Variants in DOCK4 observed in about 807,000 individuals in gnomAD.
The protein encoded by DOCK4 is dedicator of cytokinesis 4.
A neutral mutation model predicts 268.1 loss-of-function variants in DOCK4; 97 were observed. The ratio of observed to expected loss-of-function variants is 0.36; its 90% CI spans 0.31 to 0.43. DOCK4 has a LOEUF of 0.43. DOCK4 is among the 20% of genes least tolerant of loss of function. The probability of loss-of-function intolerance (pLI) is 1.00; values close to 1 mark genes in which losing one functional copy is unlikely to be tolerated. For missense variants in DOCK4, 2,145 were observed against 2,455.7 expected, an observed-to-expected ratio of 0.87 and a Z score of 2.67; for synonymous variants, 954 against 887.2, an observed-to-expected ratio of 1.08 and a Z score of -1.34.
intron 1 of DOCK4, among the ~76,000 whole-genome samples, chr7:112,168,068 C>G (rs1199853956): frequency 1.3e-5 from 2 of 151,538 alleles, no homozygotes; most frequent in Non-Finnish European, 2.9e-5. Flanking sequence ...AAAAAAAATA[C>G]TAGTACTCAT....
intron 26 of DOCK4, among the ~76,000 whole-genome samples, chr7:111,826,694 C>T (rs1802419372): frequency 6.6e-6 from 1 of 151,798 alleles, no homozygotes; most frequent in South Asian, 2.1e-4. Context: ...TACACACTGA[C>T]ATAAAAATGG....
chr7:111,975,253 C>G (rs1798076476), intron 8 of DOCK4, among the ~76,000 whole-genome samples: 1 of 152,116 alleles, frequency 6.6e-6, no homozygotes, highest in South Asian at 2.1e-4. Context: ...GGTGACAGAG[C>G]AAGACTCTGT....
intron 1 of DOCK4, among the ~76,000 whole-genome samples, chr7:112,158,665 T>C (rs1816828300): frequency 6.6e-6 from 1 of 152,210 alleles, no homozygotes; most frequent in East Asian, 1.9e-4. Context: ...CAGTGTCAAA[T>C]ACTGAAAATT....
At chr7:111,914,735 C>T (rs879932255) in intron 13 of DOCK4, among the ~76,000 whole-genome samples, 1 of 152,176 alleles carries the variant, frequency 6.6e-6, no homozygotes, top group Admixed American at 6.5e-5. Flanking sequence ...AGCCCTTTAC[C>T]TACACTGGTT....
chr7:111,811,417 T>A (rs1464549208), intron 28 of DOCK4, among the ~76,000 whole-genome samples: 3 of 152,156 alleles, frequency 2.0e-5, no homozygotes, highest in Admixed American at 2.0e-4. Context: ...CACCCAGGCA[T>A]ATCACATTAT....
chr7:111,880,841 A>G (rs1239782603), intron 16 of DOCK4, among the ~76,000 whole-genome samples: 1 of 151,946 alleles, frequency 6.6e-6, no homozygotes. Context: ...CTCTTCAATA[A>G]ACGGTGCTGG....
At chr7:111,881,990 A>G (rs1586256838) in intron 16 of DOCK4, among the ~76,000 whole-genome samples, 1 of 152,208 alleles carries the variant, frequency 6.6e-6, no homozygotes, top group Admixed American at 6.5e-5. Flanking sequence ...GAAGACAGAA[A>G]GAGTAAGACC....
At chr7:112,176,125 G>A (rs1372745137) in intron 1 of DOCK4, among the ~76,000 whole-genome samples, 1 of 152,148 alleles carries the variant, frequency 6.6e-6, no homozygotes, top group African/African-American at 2.4e-5. Flanking sequence ...TGTTTGGAGA[G>A]CAGGTGTTTT....
chr7:111,993,547 T>G (rs1025691154), intron 5 of DOCK4, among the ~76,000 whole-genome samples: 1 of 152,200 alleles, frequency 6.6e-6, no homozygotes, highest in Non-Finnish European at 1.5e-5. Flanking sequence ...TTATTATTTC[T>G]TTGAGTAGTA....
chr7:112,189,751 T>TTTG (rs1819774071), intron 1 of DOCK4, among the ~76,000 whole-genome samples: 1 of 135,134 alleles, frequency 7.4e-6, no homozygotes, highest in African/African-American at 3.2e-5. Context: ...GTTTTGTTTT[T>TTTG]TTTTTTTTTT....
At chr7:112,042,567 C>A (rs116017820) in intron 1 of DOCK4, among the ~76,000 whole-genome samples, 1 of 151,982 alleles carries the variant, frequency 6.6e-6, no homozygotes, top group African/African-American at 2.4e-5. Flanking sequence ...GCAAATAAGT[C>A]GGGAAAAAAA....
Position 112,071,245 on chromosome 7 carries a change from C to T in DOCK4, c.38-67114G>A, listed in dbSNP as rs1807556794. ...TGATATCTTGTACCTTTGTTGATAT[C>T]TGATGCTGGCAATGAATGTAAAAAC... On this transcript the variant is annotated intron_variant, in intron 1 of 52. Transcript: ENST00000428084. Among the ~76,000 whole-genome samples the T allele has an allele frequency of 2.0e-5, 3 of 152,200 alleles. No homozygotes were observed. In the South Asian group the frequency reaches 6.2e-4, roughly 31 times the overall value.
chr7:111,779,089 T>A (rs1243018468), intron 35 of DOCK4, among the ~76,000 whole-genome samples: 4 of 147,852 alleles, frequency 2.7e-5, no homozygotes, highest in Non-Finnish European at 6.0e-5. Flanking sequence ...AAAAAAAAAA[T>A]AAAAAGCAAA....
chr7:111,848,544 A>G (rs1213121283), intron 23 of DOCK4, among the ~76,000 whole-genome samples: 1 of 152,142 alleles, frequency 6.6e-6, no homozygotes, highest in Non-Finnish European at 1.5e-5. Context: ...AGGAAATCAG[A>G]TATTTTTTAA....
At chr7:112,065,172 G>A (rs1349903165) in intron 1 of DOCK4, among the ~76,000 whole-genome samples, 6 of 152,138 alleles carry the variant, frequency 3.9e-5, no homozygotes, top group East Asian at 3.9e-4. Context: ...AAACAACTTC[G>A]AACATCTCTG....
chr7:111,757,159 T>C (rs981923465), intron 41 of DOCK4, among the ~76,000 whole-genome samples: 3 of 151,860 alleles, frequency 2.0e-5, no homozygotes, highest in Admixed American at 1.3e-4. Flanking sequence ...GTGGTGGAGA[T>C]GAGGCTTCTG....
intron 5 of DOCK4, among the ~76,000 whole-genome samples, chr7:111,991,104 A>C (rs1799487126): frequency 6.6e-6 from 1 of 152,316 alleles, no homozygotes. Flanking sequence ...TGCTCTTGGG[A>C]AAGGCGTTCT....
At chr7:112,094,080 C>T (rs557558220) in intron 1 of DOCK4, among the ~76,000 whole-genome samples, 1 of 151,972 alleles carries the variant, frequency 6.6e-6, no homozygotes, top group Admixed American at 6.6e-5. Flanking sequence ...AAATATATAT[C>T]AATAGGTTTT....
chr7:112,055,077 T>C (rs1805694765), intron 1 of DOCK4, among the ~76,000 whole-genome samples: 2 of 152,218 alleles, frequency 1.3e-5, no homozygotes, highest in African/African-American at 2.4e-5. Context: ...AAACTGCGAC[T>C]TTCAGTCAGT....
Sources: gnomAD v4.1 joint callset for allele counts (sites outside exome capture counted in the v4.1 genomes callset) on GRCh38, gnomAD v4.1.1 for gene constraint, MANE v1.5 for transcripts, NCBI Gene and HGNC (gene_info 2026-07-23, HGNC 2026-07-21) for gene names.